The following ARHGAP45 variants were observed in gnomAD, a reference collection of about 807,000 sequenced individuals.
The protein encoded by ARHGAP45 is Rho GTPase activating protein 45.
Under a neutral mutation model 116.1 loss-of-function variants are expected in ARHGAP45, and 56 were observed. That is an observed-to-expected ratio of 0.48 (90% CI 0.39 to 0.60). The LOEUF (loss-of-function observed/expected upper bound fraction) is 0.60, where lower values mean the gene tolerates loss of function less well. Ranked by LOEUF, ARHGAP45 falls within the 20% of genes least tolerant of loss-of-function variation. ARHGAP45 has a pLI of 0.00. For missense variants in ARHGAP45, 1,622 were observed against 1,601.0 expected (o/e 1.01, Z -0.22); for synonymous variants, 866 against 701.7 (o/e 1.23, Z -3.70).
rs1412011441 is a variant in ARHGAP45 at position 1,086,441 on chromosome 19, A to G, written c.*435A>G. 1.2e-5 allele frequency: 2 copies of G among 173,896 alleles called. No individual in the cohort carries two copies. The highest frequency in any genetic ancestry group is 2.5e-5 in the Non-Finnish European group (2 of 80,556). The allele number at this position is 173,896 out of a possible 1,614,324, so 10.8% of individuals were successfully genotyped here. A position where few individuals can be genotyped will look rare whatever the true frequency, so the allele number is the denominator to read the frequency against. On this transcript the variant is annotated 3_prime_UTR_variant, in exon 23 of 23. Coordinates refer to ENST00000313093, the MANE Select transcript of ARHGAP45 (RefSeq NM_012292.5). ...TTCTGGGAGCCGTGGATGGGGGCGG[A>G]GCTGGGGTTTGGTGCAGTTTCCAGG... is the stretch of plus-strand genomic sequence containing the variant.
intron 1 of ARHGAP45, among the ~76,000 whole-genome samples, chr19:1,067,955 G>T (rs1425720308): frequency 7.0e-5 from 3 of 42,644 alleles, no homozygotes; most frequent in Admixed American, 6.6e-4. Context: ...CTACAAAGCT[G>T]GGGGGGGGGT....
Position 1,085,950 on chromosome 19 carries a change from C to T in ARHGAP45, c.3355C>T (p.Arg1119Cys), listed in dbSNP as rs367967556. The change falls in exon 23 of 23, where the codon CGT becomes TGT. Residue 1119 changes from arginine to cysteine, a missense_variant. This residue lies in a region of ARHGAP45 where 1,334 missense variants were observed against 1,263.8 expected (regional missense o/e 1.06). Transcript: ENST00000313093. ...GGCCCCACTGCCCCCCATGAGGCTC[C>T]GTGGCGGGCGGATGACACTGGGCTC... ...LQAPLPPMRL[R>C]GGRMTLGSCR... 370 of 1,612,912 alleles carry T rather than the reference C, an allele frequency of 2.3e-4. No individual in the cohort carries two copies. The highest frequency in any genetic ancestry group is 5.1e-4 in the East Asian group (23 of 44,884).
Position 1,068,667 on chromosome 19 carries a change from A to T in ARHGAP45, c.344A>T (p.Asp115Val), listed in dbSNP as rs1018040514. 1.9e-6 allele frequency: 3 copies of T among 1,612,520 alleles called. No individual in the cohort carries two copies. The highest frequency in any genetic ancestry group is 2.5e-6 in the Non-Finnish European group (3 of 1,180,020). Residue 115 changes from aspartate (D) to valine (V), a missense_variant, in exon 2 of 23, where the codon GAC (aspartate) becomes GTC (valine). By Grantham distance (152) the Asp-to-Val change is radical. This residue lies in a region of ARHGAP45 where 279 missense variants were observed against 311.9 expected (regional missense o/e 0.89). Transcript: ENST00000313093. The surrounding 1 kb of genome is among the most constrained non-coding windows in gnomAD (Gnocchi z 7.5). ...GGTGCCGGCCCGGACGTCGTCGAGG[A>T]CATCTCCCATCTGCTGGCGGACGTG... The part of the protein sequence containing the change: ...TEGAGPDVVE[D>V]ISHLLADVAR...
At position 1,069,104 on chromosome 19, in the gene ARHGAP45, G is replaced by A. The variant is rs900874939; in HGVS notation, c.421+360G>A. On this transcript the variant is annotated intron_variant, in intron 2 of 22. Transcript: ENST00000313093. The surrounding 1 kb of genome is among the most constrained non-coding windows in gnomAD (Gnocchi z 4.1). ...TGGTGTAGGATGAAGGCATGACAAC[G>A]CCAGGCAGAAGGGCAATGGGGAGCC... Among the ~76,000 whole-genome samples the A allele has an allele frequency of 2.6e-5, 4 of 152,126 alleles. No individual in the cohort carries two copies. The highest frequency in any genetic ancestry group is 3.9e-4 in the East Asian group (2 of 5,194).
chr19:1,068,593 C>T lies in ARHGAP45; in HGVS notation c.270C>T (p.Ser90=). 4 of 1,610,868 alleles carry T rather than the reference C, an allele frequency of 2.5e-6. No individual in the cohort carries two copies. Among genetic ancestry groups the T allele is most frequent in the African/African-American group, 1.3e-5 (1 of 75,012 alleles). ...SGAASWTLGR[S]HRSPLTAASP... ...CTGCCTCCTGGACACTGGGCCGGAG[C>T]CACCGGAGCCCACTGACAGCCGCCA... Residue 90 remains serine (S), a synonymous_variant, in exon 2 of 23, where the codon AGC becomes AGT. Coordinates refer to ENST00000313093, the MANE Select transcript of ARHGAP45 (RefSeq NM_012292.5). This position sits in a 1 kb window ranked among gnomAD's most constrained non-coding sequence, Gnocchi z 7.5.
chr19:1,082,155 A>G (rs2043456822), intron 19 of ARHGAP45, among the ~76,000 whole-genome samples, 194 bp downstream of exon 19: 1 of 128,534 alleles, frequency 7.8e-6, no homozygotes, highest in African/African-American at 3.0e-5. Context: ...TGGTCACGGT[A>G]GGAGCGAGGC....
Position 1,068,083 on chromosome 19 carries a change from C to G in ARHGAP45, c.91-331C>G, listed in dbSNP as rs113294002. Among the ~76,000 whole-genome samples the G allele has an allele frequency of 0.037, 5,654 of 151,846 alleles. 348 individuals carry two copies. Among genetic ancestry groups the G allele is most frequent in the African/African-American group, 0.13 (5,308 of 41,336 alleles). On this transcript the variant is annotated intron_variant, in intron 1 of 22. Transcript: ENST00000313093. The surrounding 1 kb of genome is among the most constrained non-coding windows in gnomAD (Gnocchi z 7.5). ...GAAGTGTGTTCACTTAAAGCACCTG[C>G]GTTGTAGGAGCCTGAGGGGGGCTTG...
chr19:1,081,952 C>A lies in ARHGAP45; in HGVS notation c.2508C>A (p.Tyr836Ter). 1 of 1,611,350 alleles carries A rather than the reference C, an allele frequency of 6.2e-7. No individual in the cohort carries two copies. The highest frequency in any genetic ancestry group is 8.5e-7 in the Non-Finnish European group (1 of 1,179,438). The change falls in exon 19 of 23, where the codon TAC becomes TAA. Residue 836 changes from tyrosine (Y) to a stop codon, truncating the protein, a stop_gained. Transcript: ENST00000313093. LOFTEE classifies it high-confidence loss of function. ...PHDISNVLKL[Y>*]LRQLPEPLIS... ...ACATCAGCAACGTCCTCAAGCTCTA[C>A]CTGCGTCAGGTGAGACCCACCGGTG...
At chr19:1,082,773 G>A (rs2043478033) in intron 19 of ARHGAP45, 67 bp from the exon 20 acceptor site, 1 of 1,324,376 alleles carries the variant, frequency 7.6e-7, no homozygotes, top group African/African-American at 1.5e-5. Flanking sequence ...GAGGCTGGGG[G>A]CGTGGCAGGC....
chr19:1,078,434 C>G (rs1333100786), intron 11 of ARHGAP45, among the ~76,000 whole-genome samples: 1 of 147,952 alleles, frequency 6.8e-6, no homozygotes, highest in African/African-American at 2.5e-5. Flanking sequence ...TGAGCCACTG[C>G]GCCCGGCCAA....
chr19:1,081,442 CTGCCGTGTGGGGGCT>C, intron 17 of ARHGAP45, 93 bp from the exon 18 acceptor site: 1 of 1,141,440 alleles, frequency 8.8e-7, no homozygotes, highest in Non-Finnish European at 1.2e-6. Flanking sequence ...TTTGCAGAAG[CTGCCGTGTGGGGGCT>C]GTGAGCGCCC....
chr19:1,070,677 C>T (rs1055397881), intron 2 of ARHGAP45, among the ~76,000 whole-genome samples: 1 of 151,834 alleles, frequency 6.6e-6, no homozygotes, highest in Non-Finnish European at 1.5e-5. Flanking sequence ...AGACCGGGGT[C>T]TCCCCATATT....
At position 1,074,010 on chromosome 19, in the gene ARHGAP45, C is replaced by T. The variant is rs201073885; in HGVS notation, c.786C>T (p.Asp262=). The change falls in exon 6 of 23, where the codon GAC becomes GAT. Residue 262 remains aspartate, a synonymous_variant. Transcript: ENST00000313093. Reference sequence around the variant, plus strand: ...CGCCTCCCAGCCTGGAAGACTGTGACGCCGGTAAGCCCCCACCCAGCGGCA... The same window carrying T: ...CGCCTCCCAGCCTGGAAGACTGTGATGCCGGTAAGCCCCCACCCAGCGGCA... ...EGTPPSLEDC[D]AGCLPAEEVD... 13 of 1,596,014 alleles carry T rather than the reference C, an allele frequency of 8.1e-6. No individual in the cohort carries two copies. In the South Asian group the frequency reaches 9.0e-5, roughly 11 times the overall value.
At chr19:1,082,512 T>C in intron 19 of ARHGAP45, 1 of 399,824 alleles carries the variant, frequency 2.5e-6, no homozygotes, top group Non-Finnish European at 4.5e-6. Flanking sequence ...GGAGCTGGGC[T>C]GGGATGGGAG....
upstream of ARHGAP45, chr19:1,066,237 C>A: frequency 2.6e-6 from 3 of 1,149,180 alleles, no homozygotes; most frequent in Non-Finnish European, 3.5e-6. Context: ...TGGAAGGGGA[C>A]AGCAGGGAGA....
Position 1,074,111 on chromosome 19 carries a change from G to T in ARHGAP45, c.798G>T (p.Leu266=), listed in dbSNP as rs1215765501. 4 of 1,612,046 alleles carry T rather than the reference G, an allele frequency of 2.5e-6. No homozygotes were observed. The highest frequency in any genetic ancestry group is 1.1e-5 in the South Asian group (1 of 90,944). ...GGCCCCCGTTCCCTGCAGGCTGCCTGCCCGCCGAGGAGGTGGACGTGCTGC... is the reference window on the plus strand; with the variant it reads ...GGCCCCCGTTCCCTGCAGGCTGCCTTCCCGCCGAGGAGGTGGACGTGCTGC... ...PSLEDCDAGC[L]PAEEVDVLLQ... Residue 266 remains leucine (L), a synonymous_variant, in exon 7 of 23, where the codon CTG becomes CTT. Coordinates refer to ENST00000313093, the MANE Select transcript of ARHGAP45 (RefSeq NM_012292.5).
In ARHGAP45 at chr19:1,071,915, T is replaced by G. The variant is rs2145020771; in HGVS notation, c.422-1234T>G. ...AAGCTGCCCCTCCCGCTGGCCTCTG[T>G]CCTCCCGGGTACCTTTCCCCTCCTA... is the stretch of plus-strand genomic sequence containing the variant. On this transcript the variant is annotated intron_variant, in intron 2 of 22. Coordinates refer to ENST00000313093, the MANE Select transcript of ARHGAP45 (RefSeq NM_012292.5). This position sits in a 1 kb window ranked among gnomAD's most constrained non-coding sequence, Gnocchi z 4.6. The G allele has an allele frequency of 6.6e-6, 1 of 152,424 alleles. No homozygotes were observed. Among genetic ancestry groups the G allele is most frequent in the Non-Finnish European group, 1.5e-5 (1 of 68,126 alleles). The allele number at this position is 152,424 out of a possible 1,614,324, so 9.4% of individuals were successfully genotyped here. A position where few individuals can be genotyped will look rare whatever the true frequency, so the allele number is the denominator to read the frequency against.
At chr19:1,077,223 C>T (rs960547793) in intron 10 of ARHGAP45, 44 of 985,256 alleles carry the variant, frequency 4.5e-5, no homozygotes, top group African/African-American at 2.4e-4. Flanking sequence ...AGCCCGGAGA[C>T]GCTCCCGTGG....
Position 1,081,745 on chromosome 19 carries a change from C to T in ARHGAP45, c.2379+7C>T, listed in dbSNP as rs1334624198. On this transcript the variant is annotated splice_region_variant and intron_variant, in intron 18 of 22. Coordinates refer to ENST00000313093, the MANE Select transcript of ARHGAP45 (RefSeq NM_012292.5). ...GCGGGCGCTGCGCACCAAGGTGAGGCGGGGGAGGAAGCGGCTCACAGCGAG... is the reference window on the plus strand; with the variant it reads ...GCGGGCGCTGCGCACCAAGGTGAGGTGGGGGAGGAAGCGGCTCACAGCGAG... The T allele has an allele frequency of 1.9e-6, 3 of 1,558,892 alleles. No homozygotes were observed. The highest frequency in any genetic ancestry group is 2.3e-5 in the South Asian group (2 of 86,518).
Sources: allele counts gnomAD v4.1 joint callset (sites outside exome capture counted in the v4.1 genomes callset), GRCh38; gene constraint gnomAD v4.1.1; regional missense constraint gnomAD v4.1.1; non-coding constraint Gnocchi (gnomAD v3.1); transcripts MANE v1.5; gene names NCBI Gene and HGNC (gene_info 2026-07-23, HGNC 2026-07-21).